DDHD2: variants seen among roughly 807,000 people sequenced by gnomAD.
DDHD2 encodes DDHD domain containing 2.
In DDHD2, 62 loss-of-function variants were observed where a neutral mutation model predicts 91.2. The observed-to-expected ratio is 0.68, with a 90% CI of 0.55 to 0.84. The LOEUF (loss-of-function observed/expected upper bound fraction) is 0.84, where lower values mean the gene tolerates loss of function less well. Ranked by LOEUF, DDHD2 falls within the 40% of genes least tolerant of loss-of-function variation. DDHD2 has a pLI of 0.00. For synonymous variants in DDHD2, 271 were observed against 293.9 expected (o/e 0.92, Z 0.80); for missense variants, 740 against 846.9 (o/e 0.87, Z 1.57).
intron 5 of DDHD2, among the ~76,000 whole-genome samples, chr8:38,239,601 C>T (rs1480286242): frequency 1.4e-5 from 2 of 146,044 alleles, no homozygotes; most frequent in Non-Finnish European, 1.5e-5. Flanking sequence ...GCAGGAGAAT[C>T]GCTTAAACCC....
At chr8:38,267,484 G>T (rs1442529273), downstream of DDHD2, 9 of 1,452,938 alleles carry the variant, frequency 6.2e-6, no homozygotes, top group Admixed American at 1.9e-4. Flanking sequence ...TTAACTATTG[G>T]TCAAATAGTG....
chr8:38,268,764 C>T lies in DDHD2; in HGVS notation n.88-2358C>T, dbSNP rs1169320595. Reference sequence around the variant, plus strand: ...GAGCCCTAGGAGGCGGAACCCAGCGCACAGCAGCGGAGTGGGCAGTGGGTC... The same window carrying T: ...GAGCCCTAGGAGGCGGAACCCAGCGTACAGCAGCGGAGTGGGCAGTGGGTC... On this transcript the variant is annotated intron_variant and non_coding_transcript_variant, in intron 1 of 1. Coordinates refer to the DDHD2 transcript ENST00000526071. 4.9e-6 allele frequency: 7 copies of T among 1,437,648 alleles called. No homozygotes were observed. In the East Asian group the frequency reaches 1.0e-4, roughly 21 times the overall value. 89.1% of individuals were successfully genotyped at this position (1,437,648 alleles called of 1,614,324 possible). A position where few individuals can be genotyped will look rare whatever the true frequency, so the allele number is the denominator to read the frequency against.
intron 7 of DDHD2, among the ~76,000 whole-genome samples, chr8:38,244,873 A>G (rs1805505942): frequency 6.6e-6 from 1 of 152,176 alleles, no homozygotes; most frequent in Non-Finnish European, 1.5e-5. Flanking sequence ...CCTGAACAGT[A>G]TATTTTAAAG....
chr8:38,263,017 A>G (rs1807152317), downstream of DDHD2: 2 of 152,234 alleles, frequency 1.3e-5, no homozygotes, highest in Admixed American at 1.3e-4. Context: ...AGCCAGTACT[A>G]TAGATAACAG....
At position 38,241,853 on chromosome 8, in the gene DDHD2, G is replaced by C. The variant is rs150990396; in HGVS notation, c.713-397G>C. 674 of 160,572 alleles carry C rather than the reference G, an allele frequency of 4.2e-3. 7 individuals carry two copies. Among genetic ancestry groups the C allele is most frequent in the African/African-American group, 0.015 (633 of 41,384 alleles). The allele number at this position is 160,572 out of a possible 1,614,324, so 9.9% of individuals were successfully genotyped here. A position where few individuals can be genotyped will look rare whatever the true frequency, so the allele number is the denominator to read the frequency against. ...CAGATCACCTAAAGTCAGGAGTTCA[G>C]GACCAGCCTGGCCAACAGGACAAAA... is the stretch of plus-strand genomic sequence containing the variant. On this transcript the variant is annotated intron_variant, in intron 6 of 17. Coordinates refer to ENST00000397166, the MANE Select transcript of DDHD2 (RefSeq NM_015214.3).
chr8:38,240,215 A>G, intron 5 of DDHD2, 60 bp from the exon 6 acceptor site: 9 of 971,176 alleles, frequency 9.3e-6, no homozygotes, highest in Admixed American at 2.0e-5. Flanking sequence ...TTCATGATGA[A>G]TGATATTAGA....
chr8:38,269,016 G>C, intron 1 of DDHD2: 2 of 1,555,858 alleles, frequency 1.3e-6, no homozygotes, highest in Non-Finnish European at 8.7e-7. Context: ...GAAGCGCAGA[G>C]CAGGTCGCCT....
chr8:38,236,569 G>A (rs1804773863), intron 3 of DDHD2, among the ~76,000 whole-genome samples: 1 of 150,904 alleles, frequency 6.6e-6, no homozygotes, highest in Non-Finnish European at 1.5e-5. Flanking sequence ...AGGCTGTAGT[G>A]TAGTGGCGCG....
At chr8:38,232,886 T>G (rs1804397494) in intron 1 of DDHD2, 101 bp from the exon 2 acceptor site, 2 of 696,428 alleles carry the variant, frequency 2.9e-6, no homozygotes, top group South Asian at 3.9e-5. Context: ...GTTGTTGTTG[T>G]TGCAGAAATG....
chr8:38,259,765 CCACCT>C (rs1806829469), intron 16 of DDHD2, among the ~76,000 whole-genome samples: 1 of 152,198 alleles, frequency 6.6e-6, no homozygotes, highest in East Asian at 1.9e-4. Flanking sequence ...AGTGACTTGT[CCACCT>C]CAGCCTCCCA....
chr8:38,248,821 T>A lies in DDHD2; in HGVS notation c.1249-887T>A, dbSNP rs559219748. ...TTAGCTGGGTGTGGTGGCACACACATGTAGTCCCAGCTACTTGGGAGGCTG... is the reference window on the plus strand; with the variant it reads ...TTAGCTGGGTGTGGTGGCACACACAAGTAGTCCCAGCTACTTGGGAGGCTG... On this transcript the variant is annotated intron_variant, in intron 10 of 17. Transcript: ENST00000397166. Among the ~76,000 whole-genome samples the A allele has an allele frequency of 3.9e-3, 599 of 151,682 alleles. 3 individuals carry two copies. Among genetic ancestry groups the A allele is most frequent in the South Asian group, 9.0e-3 (43 of 4,780 alleles).
At position 38,249,764 on chromosome 8, in the gene DDHD2, G is replaced by C. The variant is rs372509717; in HGVS notation, c.1305G>C (p.Lys435Asn). The change falls in exon 11 of 18, where the codon AAG (lysine) becomes AAC (asparagine). Residue 435 changes from lysine (K) to asparagine (N), a missense_variant. Physicochemically the swap from Lys to Asn is moderately conservative, Grantham distance 94. Transcript: ENST00000397166. Reference sequence around the variant, plus strand: ...TAGGAATTCCTTTAGGACCAAGAAAGAAGATATTAAACTATTTCAGCACCA... The same window carrying C: ...TAGGAATTCCTTTAGGACCAAGAAACAAGATATTAAACTATTTCAGCACCA... ...QEIGIPLGPR[K>N]KILNYFSTRK... The C allele has an allele frequency of 1.1e-5, 18 of 1,612,138 alleles. 1 individual carries two copies. In the South Asian group the frequency reaches 1.8e-4, roughly 16 times the overall value.
At position 38,253,019 on chromosome 8, in the gene DDHD2, C is replaced by A; in HGVS notation, c.1783C>A (p.Arg595=). Reference sequence around the variant, plus strand: ...TAAGAACAACTTGCTAGGTTCGCTGCGGATGGCCTGGAAGTCTTTTACCAG... The same window carrying A: ...TAAGAACAACTTGCTAGGTTCGCTGAGGATGGCCTGGAAGTCTTTTACCAG... The part of the protein sequence containing the change: ...DLKNNLLGSL[R]MAWKSFTRAP... The change falls in exon 15 of 18, where the codon CGG becomes AGG. Residue 595 remains arginine (R), a synonymous_variant. Coordinates refer to ENST00000397166, the MANE Select transcript of DDHD2 (RefSeq NM_015214.3). The A allele has an allele frequency of 6.2e-7, 1 of 1,614,100 alleles. No homozygotes were observed. The highest frequency in any genetic ancestry group is 8.5e-7 in the Non-Finnish European group (1 of 1,180,010).
chr8:38,257,267 GAGA>G (rs370468729), intron 16 of DDHD2, among the ~76,000 whole-genome samples: 113 of 13,942 alleles, frequency 8.1e-3, no homozygotes, highest in African/African-American at 0.023. Context: ...TTTTTTTTTT[GAGA>G]AGGAGTCTCA....
In DDHD2 at chr8:38,249,760, G is replaced by C; in HGVS notation, c.1301G>C (p.Arg434Thr). ...LQEIGIPLGP[R>T]KKILNYFSTR... ...GAAATAGGAATTCCTTTAGGACCAA[G>C]AAAGAAGATATTAAACTATTTCAGC... Residue 434 changes from arginine (R) to threonine (T), a missense_variant, in exon 11 of 18, where the codon AGA (arginine) becomes ACA (threonine). By Grantham distance (71) the Arg-to-Thr change is moderately conservative. Around this residue, in one of 2 missense-constraint regions of DDHD2, gnomAD observed 693 missense variants for 764.2 expected, o/e 0.91. Transcript: ENST00000397166. The C allele has an allele frequency of 6.2e-7, 1 of 1,612,282 alleles. No individual in the cohort carries two copies.
In DDHD2 at chr8:38,240,932, G is replaced by A. The variant is rs954658506; in HGVS notation, c.712+568G>A. 3.3e-5 allele frequency among the ~76,000 whole-genome samples: 5 copies of A among 152,074 alleles called. No homozygotes were observed. The East Asian group carries it at 9.7e-4, about 29-fold the overall frequency. ...CTAAAAATACAAAAATTAGCCGGGC[G>A]CAGTGGCAGGCGCCTGTAATCCCAG... On this transcript the variant is annotated intron_variant, in intron 6 of 17. Transcript: ENST00000397166.
At chr8:38,268,203 C>G in intron 1 of DDHD2, 1 of 1,083,470 alleles carries the variant, frequency 9.2e-7, no homozygotes, top group Non-Finnish European at 1.3e-6. Flanking sequence ...TGCCGTGTAG[C>G]CTGCGTAACC....
intron 7 of DDHD2, 46 bp from the exon 8 acceptor site, chr8:38,245,696 T>G: frequency 6.6e-7 from 1 of 1,509,404 alleles, no homozygotes; most frequent in Middle Eastern, 1.7e-4. Context: ...AAGCAGCTAT[T>G]AAGTGTATTT....
At position 38,252,176 on chromosome 8, in the gene DDHD2, C is replaced by A; in HGVS notation, c.1506C>A (p.Phe502Leu). Residue 502 changes from phenylalanine to leucine, a missense_variant, in exon 13 of 18, where the codon TTC (phenylalanine) becomes TTA (leucine). Physicochemically the swap from Phe to Leu is conservative, Grantham distance 22. Around this residue, in one of 2 missense-constraint regions of DDHD2, gnomAD observed 693 missense variants for 764.2 expected, o/e 0.91. Transcript: ENST00000397166. ...YPRLIYKPEIFFAFGSPIGMF... is the reference protein window; with the variant it reads ...YPRLIYKPEILFAFGSPIGMF... ...GGCTCATCTATAAACCAGAGATATT[C>A]TTTGCCTTTGGATCTCCCATTGGAA... 1 of 1,614,176 alleles carries A rather than the reference C, an allele frequency of 6.2e-7. No individual in the cohort carries two copies. The highest frequency in any genetic ancestry group is 8.5e-7 in the Non-Finnish European group (1 of 1,180,028).
Sources: allele counts gnomAD v4.1 joint callset (sites outside exome capture counted in the v4.1 genomes callset), GRCh38; gene constraint gnomAD v4.1.1; regional missense constraint gnomAD v4.1.1; transcripts MANE v1.5; gene names NCBI Gene and HGNC (gene_info 2026-07-23, HGNC 2026-07-21).